TMCO1: variants seen among roughly 807,000 people sequenced by gnomAD.
TMCO1 encodes calcium load-activated calcium channel.
In TMCO1, 29 loss-of-function variants were observed where a neutral mutation model predicts 29.3. That is an observed-to-expected ratio of 0.99 (90% CI 0.74 to 1.35). TMCO1 has a LOEUF of 1.35. TMCO1 is among the 40% of genes most tolerant of loss of function. The pLI is 0.00. For synonymous variants in TMCO1, 80 were observed against 77.1 expected (o/e 1.04, Z -0.20); for missense variants, 173 against 225.5 (o/e 0.77, Z 1.49).
rs1443517739 is a variant in TMCO1 at position 165,754,234 on chromosome 1, T to G, written c.249A>C (p.Leu83=). 3 of 1,610,750 alleles carry G rather than the reference T, an allele frequency of 1.9e-6. No individual in the cohort carries two copies. The highest frequency in any genetic ancestry group is 2.5e-6 in the Non-Finnish European group (3 of 1,177,260). The part of the protein sequence containing the change: ...EEKLKNNNRD[L]SMVRMKSMFA... ...TTATAGTTAGGTCTCTTACCATTGA[T>G]AGATCTCTGTTGTTATTCTTCAGTT... is the stretch of plus-strand genomic sequence containing the variant. Residue 83 remains leucine, a synonymous_variant, in exon 4 of 7, where the codon CTA becomes CTC. Transcript: ENST00000367881.
chr1:165,726,317 G>T, downstream of TMCO1: 1 of 689,698 alleles, frequency 1.4e-6, no homozygotes, highest in Non-Finnish European at 2.6e-6. Context: ...TTGAGCTCCT[G>T]CTGTGTTTCC....
chr1:165,732,152 T>C (rs1651183896), intron 6 of TMCO1, among the ~76,000 whole-genome samples: 1 of 152,124 alleles, frequency 6.6e-6, no homozygotes, highest in Non-Finnish European at 1.5e-5. Context: ...CAGACGTCAC[T>C]AATATCTCTA....
intron 6 of TMCO1, among the ~76,000 whole-genome samples, chr1:165,731,035 G>A (rs914567798): frequency 9.2e-5 from 14 of 152,074 alleles, no homozygotes; most frequent in African/African-American, 2.7e-4. Flanking sequence ...GAGTAGCAGG[G>A]AATACAGGGG....
intron 6 of TMCO1, among the ~76,000 whole-genome samples, chr1:165,738,943 T>C (rs533352291): frequency 1.3e-5 from 2 of 152,300 alleles, no homozygotes; most frequent in East Asian, 3.9e-4. Context: ...AGACTTTTTT[T>C]CTCATGCGTG....
downstream of TMCO1, chr1:165,724,841 A>G (rs1368579577): frequency 2.2e-6 from 1 of 453,948 alleles, no homozygotes. Context: ...AAGTCCTGAA[A>G]TATTTACAGA....
At position 165,763,203 on chromosome 1, in the gene TMCO1, G is replaced by A. The variant is rs191147727; in HGVS notation, c.149-3619C>T. ...CTTCCCTTGCTTAAATTCATACTAC[G>A]TTCTGAATACAAAGTATCAGAAGGA... On this transcript the variant is annotated intron_variant, in intron 2 of 6. Coordinates refer to ENST00000367881, the MANE Select transcript of TMCO1 (RefSeq NM_019026.6). Among the ~76,000 whole-genome samples, 4 of 152,152 alleles carry A rather than the reference G, an allele frequency of 2.6e-5. 1 individual carries two copies. The highest frequency in any genetic ancestry group is 4.2e-4 in the South Asian group (2 of 4,816).
chr1:165,754,381 C>T lies in TMCO1; in HGVS notation c.209-107G>A, dbSNP rs563894617. On this transcript the variant is annotated intron_variant, in intron 3 of 6. Transcript: ENST00000367881. ...TTACAAAAGCACTCTATCTCAATAT[C>T]ATTTAATAAGATGATGAAAACACCT... 726 of 861,606 alleles carry T rather than the reference C, an allele frequency of 8.4e-4. 3 individuals are homozygous for T. Among genetic ancestry groups the T allele is most frequent in the Middle Eastern group, 2.3e-3 (10 of 4,336 alleles). The allele number at this position is 861,606 out of a possible 1,614,324, so 53.4% of individuals were successfully genotyped here.
rs532852399 is a variant in TMCO1, at chr1:165,731,181, G to A, written c.469-3060C>T. Among the ~76,000 whole-genome samples, 13 of 152,258 alleles carry A rather than the reference G, an allele frequency of 8.5e-5. 1 individual carries two copies. The South Asian group carries it at 2.1e-3, about 24-fold the overall frequency. ...CCCAAAGTGCTGGAATTACAGGCAT[G>A]AGCCACCGTACCTGGCCTGCATTAC... On this transcript the variant is annotated intron_variant, in intron 6 of 6. Transcript: ENST00000367881.
intron 5 of TMCO1, among the ~76,000 whole-genome samples, chr1:165,747,267 C>CAAAAAAAAA: frequency 1.2e-5 from 1 of 81,970 alleles, no homozygotes; most frequent in Non-Finnish European, 2.2e-5. Flanking sequence ...GGCTCTGTCT[C>CAAAAAAAAA]AAAAAAAAAA....
chr1:165,749,454 A>G (rs936779533), intron 5 of TMCO1, among the ~76,000 whole-genome samples: 5 of 152,244 alleles, frequency 3.3e-5, no homozygotes, highest in African/African-American at 1.2e-4. Flanking sequence ...AAAACTTAGT[A>G]AAGTTGGAAA....
chr1:165,738,323 A>G (rs1309794199), intron 6 of TMCO1, among the ~76,000 whole-genome samples: 1 of 152,134 alleles, frequency 6.6e-6, no homozygotes, highest in African/African-American at 2.4e-5. Flanking sequence ...AAAACAACCG[A>G]AAAACCAGGC....
chr1:165,762,556 T>A (rs1303601920), intron 2 of TMCO1, among the ~76,000 whole-genome samples: 1 of 152,158 alleles, frequency 6.6e-6, no homozygotes. Context: ...AATCTAATGT[T>A]TTTCAAACTT....
chr1:165,749,972 A>G (rs1391364706), intron 5 of TMCO1, among the ~76,000 whole-genome samples: 2 of 152,180 alleles, frequency 1.3e-5, no homozygotes, highest in African/African-American at 4.8e-5. Context: ...AAATGAAAAA[A>G]TTTGAAAGAA....
chr1:165,758,451 G>A (rs749563616), intron 3 of TMCO1, among the ~76,000 whole-genome samples: 5 of 151,990 alleles, frequency 3.3e-5, no homozygotes, highest in Non-Finnish European at 7.4e-5. Context: ...ACCTACTCGT[G>A]AGGCTGAGGC....
intron 6 of TMCO1, among the ~76,000 whole-genome samples, chr1:165,740,201 CTTAT>C (rs1231352953): frequency 6.6e-6 from 1 of 151,420 alleles, no homozygotes; most frequent in African/African-American, 2.4e-5. Context: ...TTATGTTTTA[CTTAT>C]TTATTTATTT....
chr1:165,763,668 G>C (rs985805537), intron 2 of TMCO1, among the ~76,000 whole-genome samples: 1 of 152,158 alleles, frequency 6.6e-6, no homozygotes, highest in East Asian at 1.9e-4. Context: ...ACCTAGGCTG[G>C]AATGCAGTGG....
chr1:165,734,277 C>T lies in TMCO1; in HGVS notation c.469-6156G>A, dbSNP rs1001290100. 5.3e-5 allele frequency among the ~76,000 whole-genome samples: 8 copies of T among 152,060 alleles called. No homozygotes were observed. The East Asian group carries it at 7.7e-4, about 15-fold the overall frequency. ...TAAATATTTACTAAAAAAACCTTAT[C>T]GTACAAGCTTGATATCGCTGAAATA... On this transcript the variant is annotated intron_variant, in intron 6 of 6. Transcript: ENST00000367881.
chr1:165,725,916 T>A (rs1650870740), downstream of TMCO1: 2 of 624,924 alleles, frequency 3.2e-6, no homozygotes, highest in Middle Eastern at 4.3e-4. Flanking sequence ...ATAGATGTAA[T>A]CTCTCCTTTT....
chr1:165,768,136 A>C, intron 2 of TMCO1, 56 bp downstream of exon 2: 1 of 1,375,748 alleles, frequency 7.3e-7, no homozygotes, highest in Non-Finnish European at 1.0e-6. Flanking sequence ...TATTGTGAAC[A>C]TGGACTTAAT....
Sources: gnomAD v4.1 joint callset for allele counts (sites outside exome capture counted in the v4.1 genomes callset) on GRCh38, gnomAD v4.1.1 for gene constraint, MANE v1.5 for transcripts, NCBI Gene and HGNC (gene_info 2026-07-23, HGNC 2026-07-21) for gene names.